The following APP variants were observed in gnomAD, a reference collection of about 807,000 sequenced individuals.
APP encodes amyloid beta precursor protein.
A neutral mutation model predicts 101.4 loss-of-function variants in APP; 31 were observed. The ratio of observed to expected loss-of-function variants is 0.31; its 90% CI spans 0.23 to 0.41. APP has a LOEUF of 0.41. Among genes scored for constraint, APP ranks in the 10% least tolerant of loss-of-function variants. The pLI is 1.00. For synonymous variants in APP, 366 were observed against 364.4 expected (o/e 1.00, Z -0.05); for missense variants, 839 against 1,003.7 (o/e 0.84, Z 2.22).
At position 26,051,116 on chromosome 21, in the gene APP, T is replaced by C. The variant is rs2045820470; in HGVS notation, c.546A>G (p.Val182=). Residue 182 remains valine, a synonymous_variant, in exon 5 of 18, where the codon GTA becomes GTG. Coordinates refer to ENST00000346798, the MANE Select transcript of APP (RefSeq NM_000484.4). ...CAGCCAGTGGGCAACACACAAACTC[T>C]ACCCCTCGGAACTTGTCAATTCCGC... The part of the protein sequence containing the change: ...LPCGIDKFRG[V]EFVCCPLAEE... 1 of 1,614,126 alleles carries C rather than the reference T, an allele frequency of 6.2e-7. No homozygotes were observed. The highest frequency in any genetic ancestry group is 8.5e-7 in the Non-Finnish European group (1 of 1,180,014).
intron 13 of APP, among the ~76,000 whole-genome samples, chr21:25,914,345 C>A (rs1569048170): frequency 6.6e-6 from 1 of 151,890 alleles, no homozygotes; most frequent in Non-Finnish European, 1.5e-5. Context: ...CCCCCAAAGT[C>A]ATGTGTTGAA....
At chr21:26,012,192 T>G (rs1338975558) in intron 6 of APP, among the ~76,000 whole-genome samples, 2 of 151,664 alleles carry the variant, frequency 1.3e-5, no homozygotes, top group Non-Finnish European at 2.9e-5. Context: ...TTTTTTTTGG[T>G]CTCCCTATGG....
At chr21:26,039,813 T>C (rs564480466) in intron 5 of APP, among the ~76,000 whole-genome samples, 53 of 152,132 alleles carry the variant, frequency 3.5e-4, no homozygotes, top group Admixed American at 5.2e-4. Context: ...ATTTGCTCAA[T>C]TGCAAAAAAT....
chr21:26,144,164 C>T (rs1164517240), intron 1 of APP, among the ~76,000 whole-genome samples: 1 of 152,122 alleles, frequency 6.6e-6, no homozygotes, highest in Non-Finnish European at 1.5e-5. Flanking sequence ...CTCACTATTA[C>T]CAGAACAGGA....
intron 13 of APP, among the ~76,000 whole-genome samples, chr21:25,920,713 C>T (rs1191516448): frequency 1.3e-5 from 2 of 150,792 alleles, no homozygotes; most frequent in East Asian, 1.9e-4. Flanking sequence ...TACAGGAGCA[C>T]CCAGATTCAT....
intron 2 of APP, among the ~76,000 whole-genome samples, chr21:26,093,890 C>T (rs1204758815): frequency 2.0e-5 from 3 of 151,992 alleles, no homozygotes; most frequent in Admixed American, 6.5e-5. Context: ...CCGAGGCGGG[C>T]GGCTCACGAG....
intron 2 of APP, among the ~76,000 whole-genome samples, chr21:26,101,300 T>C (rs149442792): frequency 6.6e-6 from 1 of 152,184 alleles, no homozygotes; most frequent in East Asian, 1.9e-4. Context: ...GGTTTCACCA[T>C]GTTGGCTAGG....
chr21:26,101,191 C>T (rs535038225), intron 2 of APP, among the ~76,000 whole-genome samples: 10 of 150,144 alleles, frequency 6.7e-5, no homozygotes, highest in Admixed American at 2.0e-4. Flanking sequence ...CCTCGGCCTC[C>T]GAGTTCAAGC....
At chr21:26,121,092 A>G (rs2062557936) in intron 1 of APP, among the ~76,000 whole-genome samples, 1 of 152,104 alleles carries the variant, frequency 6.6e-6, no homozygotes, top group Non-Finnish European at 1.5e-5. Context: ...ATCATGTGAC[A>G]CTCGCACTGA....
At chr21:26,039,801 T>A (rs940872048) in intron 5 of APP, among the ~76,000 whole-genome samples, 4 of 152,018 alleles carry the variant, frequency 2.6e-5, no homozygotes, top group Admixed American at 1.3e-4. Flanking sequence ...TTAATTTTTT[T>A]AATTTGCTCA....
chr21:26,102,090 T>TG (rs2062071565), intron 2 of APP, among the ~76,000 whole-genome samples: 1 of 70,262 alleles, frequency 1.4e-5, no homozygotes, highest in African/African-American at 6.2e-5. Context: ...TGGTTTTTTT[T>TG]TTTTTTTTTT....
intron 2 of APP, among the ~76,000 whole-genome samples, chr21:26,104,704 A>G (rs2062140565): frequency 6.6e-6 from 1 of 152,268 alleles, no homozygotes; most frequent in African/African-American, 2.4e-5. Flanking sequence ...AGACTATGAA[A>G]GGAGCAGAGT....
At chr21:26,079,724 C>T (rs534856388) in intron 3 of APP, among the ~76,000 whole-genome samples, 2 of 152,136 alleles carry the variant, frequency 1.3e-5, no homozygotes, top group Non-Finnish European at 2.9e-5. Flanking sequence ...TGACCATGAC[C>T]GTGTGAAATT....
chr21:25,950,383 T>C (rs1363685969), intron 13 of APP, among the ~76,000 whole-genome samples: 23 of 124,410 alleles, frequency 1.8e-4, no homozygotes, highest in African/African-American at 9.7e-4. Flanking sequence ...TTTTTTTTCT[T>C]TTTTTTTTTT....
chr21:25,999,272 A>C (rs945674506), intron 7 of APP, among the ~76,000 whole-genome samples: 1 of 152,194 alleles, frequency 6.6e-6, no homozygotes, highest in African/African-American at 2.4e-5. Context: ...AGCCTGTGAG[A>C]CAGAATGAGA....
Position 26,136,946 on chromosome 21 carries a change from G to A in APP, c.58-24800C>T, listed in dbSNP as rs1343005716. Among the ~76,000 whole-genome samples, 3 of 152,270 alleles carry A rather than the reference G, an allele frequency of 2.0e-5. No homozygotes were observed. The East Asian group carries it at 5.8e-4, about 29-fold the overall frequency. On this transcript the variant is annotated intron_variant, in intron 1 of 17. Coordinates refer to ENST00000346798, the MANE Select transcript of APP (RefSeq NM_000484.4). Reference sequence around the variant, plus strand: ...GTCTCAATGTCACCCAGGCTGGAGTGCAGTGGCGCGATCTCTGCTCACTGC... The same window carrying A: ...GTCTCAATGTCACCCAGGCTGGAGTACAGTGGCGCGATCTCTGCTCACTGC...
At chr21:25,953,169 G>C (rs2041166844) in intron 13 of APP, among the ~76,000 whole-genome samples, 1 of 152,160 alleles carries the variant, frequency 6.6e-6, no homozygotes, top group African/African-American at 2.4e-5. Context: ...CTGGCCTCAG[G>C]TGATCTGCTC....
chr21:26,008,364 C>A (rs1006597413), intron 6 of APP, among the ~76,000 whole-genome samples: 1 of 152,166 alleles, frequency 6.6e-6, no homozygotes, highest in Non-Finnish European at 1.5e-5. Flanking sequence ...AATAAACTTG[C>A]TCTTCACTGA....
intron 1 of APP, among the ~76,000 whole-genome samples, chr21:26,145,104 TG>T (rs2146322213): frequency 6.6e-6 from 1 of 152,302 alleles, no homozygotes; most frequent in East Asian, 1.9e-4. Context: ...TTACGTGGAA[TG>T]GGATGGCTTG....
Sources: allele counts gnomAD v4.1 joint callset (sites outside exome capture counted in the v4.1 genomes callset), GRCh38; gene constraint gnomAD v4.1.1; transcripts MANE v1.5; gene names NCBI Gene and HGNC (gene_info 2026-07-23, HGNC 2026-07-21).